Variants in CACNA1E observed in about 807,000 individuals in gnomAD.
The protein encoded by CACNA1E is calcium voltage-gated channel subunit alpha1 E, also known as voltage-dependent R-type calcium channel subunit alpha-1E.
Under a neutral mutation model 259.2 loss-of-function variants are expected in CACNA1E, and 40 were observed. The observed-to-expected ratio is 0.15, with a 90% CI of 0.12 to 0.20. The LOEUF is 0.20. Among genes scored for constraint, CACNA1E ranks in the 10% least tolerant of loss-of-function variants. The pLI is 1.00. For missense variants in CACNA1E, 1,874 were observed against 3,040.1 expected (o/e 0.62, Z 9.02); for synonymous variants, 1,104 against 1,138.5 (o/e 0.97, Z 0.61).
Position 181,798,372 on chromosome 1 carries a change from A to C in CACNA1E, c.6480A>C (p.Pro2160=), listed in dbSNP as rs1572922790. 6.2e-7 allele frequency: 1 copy of C among 1,612,036 alleles called. No homozygotes were observed. The change falls in exon 48 of 48, where the codon CCA becomes CCC. Residue 2160 remains proline, a synonymous_variant. Coordinates refer to ENST00000367573, the MANE Select transcript of CACNA1E (RefSeq NM_001205293.3). The surrounding 1 kb of genome is among the most constrained non-coding windows in gnomAD (Gnocchi z 4.2). The part of the protein sequence containing the change: ...STPRRSRRQL[P]PVPPKPRPLL... The stretch of plus-strand genomic sequence containing the variant: ...CAAGAAGAAGTCGTCGGCAGCTCCC[A>C]CCCGTCCCGCCAAAGCCCCGGCCCC...
rs747480727 is a variant in CACNA1E, at chr1:181,785,735, G to A, written c.5702G>A (p.Arg1901His). ...CAGAAAAATGCCCCCATGTTCCAGCGCATGGAGCCTTCATCTCTGCCTCAG... is the reference window on the plus strand; with the variant it reads ...CAGAAAAATGCCCCCATGTTCCAGCACATGGAGCCTTCATCTCTGCCTCAG... ...EEQKNAPMFQ[R>H]MEPSSLPQEI... The change falls in exon 43 of 48, where the codon CGC (arginine) becomes CAC (histidine). Residue 1901 changes from arginine (R) to histidine (H), a missense_variant. By Grantham distance (29) the Arg-to-His change is conservative. Transcript: ENST00000367573. 1.7e-5 allele frequency: 28 copies of A among 1,612,514 alleles called. No homozygotes were observed. The highest frequency in any genetic ancestry group is 6.7e-5 in the Admixed American group (4 of 59,806).
At chr1:181,715,239 C>G in intron 8 of CACNA1E, 99 bp from the exon 9 acceptor site, 1 of 726,372 alleles carries the variant, frequency 1.4e-6, no homozygotes, top group Non-Finnish European at 2.4e-6. Context: ...TCTGCTCTCT[C>G]TCTGTTGCCC....
At chr1:181,646,333 G>A (rs1658261251) in intron 6 of CACNA1E, among the ~76,000 whole-genome samples, 1 of 152,182 alleles carries the variant, frequency 6.6e-6, no homozygotes, top group African/African-American at 2.4e-5. Context: ...GCACACACAG[G>A]AGAGCCCCCA....
At chr1:181,745,467 A>T (rs1352966362) in intron 25 of CACNA1E, 2 of 367,490 alleles carry the variant, frequency 5.4e-6, no homozygotes, top group African/African-American at 2.1e-5. Flanking sequence ...GGTAACCAAC[A>T]ACCAACTAGA....
At chr1:181,657,773 T>C (rs1458154956) in intron 7 of CACNA1E, among the ~76,000 whole-genome samples, 1 of 152,222 alleles carries the variant, frequency 6.6e-6, no homozygotes, top group Non-Finnish European at 1.5e-5. Flanking sequence ...TGTGAAAAAC[T>C]GAAGACATCG....
chr1:181,805,637 T>C lies in CACNA1E; in HGVS notation c.*6803T>C, dbSNP rs1440363421. 6.6e-6 allele frequency: 1 copy of C among 152,196 alleles called. No homozygotes were observed. The highest frequency in any genetic ancestry group is 1.5e-5 in the Non-Finnish European group (1 of 68,026). 9.4% of individuals were successfully genotyped at this position (152,196 alleles called of 1,614,324 possible). On this transcript the variant is annotated 3_prime_UTR_variant, in exon 48 of 48. Coordinates refer to ENST00000367573, the MANE Select transcript of CACNA1E (RefSeq NM_001205293.3). ...CCTGCAGGCTGAACTTTAGTCAGTG[T>C]TTTTCTATCATGTTGTTTTGTGAAC...
intron 1 of CACNA1E, among the ~76,000 whole-genome samples, chr1:181,339,380 C>T (rs947413025): frequency 1.3e-5 from 2 of 151,848 alleles, no homozygotes; most frequent in African/African-American, 4.8e-5. Context: ...TCTTTCACTT[C>T]CTTGGTTAAA....
chr1:181,686,181 C>T (rs1434519247), intron 7 of CACNA1E, among the ~76,000 whole-genome samples: 2 of 151,714 alleles, frequency 1.3e-5, no homozygotes, highest in Non-Finnish European at 2.9e-5. Flanking sequence ...TGATTTCCAT[C>T]CTTGTTATCC....
chr1:181,746,172 G>T (rs572430711), intron 25 of CACNA1E, among the ~76,000 whole-genome samples: 1 of 152,344 alleles, frequency 6.6e-6, no homozygotes, highest in South Asian at 2.1e-4. Flanking sequence ...CCGCTAAGCA[G>T]TGACAACGTC....
At chr1:181,757,920 G>A (rs750652699) in intron 30 of CACNA1E, 27 bp from the exon 31 acceptor site, 2 of 1,611,054 alleles carry the variant, frequency 1.2e-6, no homozygotes, top group Non-Finnish European at 1.7e-6. Context: ...ATTTGAATTT[G>A]TGCTAATAAC....
At chr1:181,536,584 G>C (rs971354385) in intron 3 of CACNA1E, among the ~76,000 whole-genome samples, 7 of 152,014 alleles carry the variant, frequency 4.6e-5, no homozygotes, top group Admixed American at 1.3e-4. Flanking sequence ...CTCTCTCCGT[G>C]GTATTGAAAT....
intron 25 of CACNA1E, among the ~76,000 whole-genome samples, chr1:181,748,639 T>C (rs951328980): frequency 6.6e-6 from 1 of 152,222 alleles, no homozygotes; most frequent in African/African-American, 2.4e-5. Flanking sequence ...TATGAAAGAT[T>C]ATCCCTTAGT....
At chr1:181,361,615 T>C (rs1192514167) in intron 1 of CACNA1E, among the ~76,000 whole-genome samples, 2 of 152,194 alleles carry the variant, frequency 1.3e-5, no homozygotes, top group Non-Finnish European at 2.9e-5. Flanking sequence ...CTGTTTATTC[T>C]CTTCCCACCT....
chr1:181,756,331 T>C (rs1658084211), intron 29 of CACNA1E, among the ~76,000 whole-genome samples: 1 of 152,192 alleles, frequency 6.6e-6, no homozygotes, highest in Non-Finnish European at 1.5e-5. Flanking sequence ...AGCCAATTAT[T>C]GAGGAGTCAA....
At chr1:181,637,421 T>A (rs1453091941) in intron 6 of CACNA1E, among the ~76,000 whole-genome samples, 1 of 73,264 alleles carries the variant, frequency 1.4e-5, no homozygotes, top group Non-Finnish European at 2.6e-5. Flanking sequence ...CCTCCCTCCC[T>A]CCTTCCCTCC....
At position 181,803,358 on chromosome 1, in the gene CACNA1E, C is replaced by T. The variant is rs770904431; in HGVS notation, c.*4524C>T. ...ATAACTTCTCTTTAAAATATCTCCA[C>T]ATTGAGACTCTTATTTTAACAAAAT... On this transcript the variant is annotated 3_prime_UTR_variant, in exon 48 of 48. Transcript: ENST00000367573. 5.3e-5 allele frequency: 8 copies of T among 152,230 alleles called. No individual in the cohort carries two copies. Among genetic ancestry groups the T allele is most frequent in the Non-Finnish European group, 1.0e-4 (7 of 68,046 alleles). The allele number at this position is 152,230 out of a possible 1,614,324, so 9.4% of individuals were successfully genotyped here. A position where few individuals can be genotyped will look rare whatever the true frequency, so the allele number is the denominator to read the frequency against.
chr1:181,598,138 G>A (rs1483240579), intron 6 of CACNA1E, among the ~76,000 whole-genome samples: 2 of 152,220 alleles, frequency 1.3e-5, no homozygotes, highest in Non-Finnish European at 2.9e-5. Context: ...AGAGGAGGAC[G>A]TGAGAGGAGA....
At chr1:181,698,810 G>A (rs775210051) in intron 7 of CACNA1E, among the ~76,000 whole-genome samples, 8 of 152,160 alleles carry the variant, frequency 5.3e-5, no homozygotes, top group Non-Finnish European at 1.2e-4. Context: ...TAGGTTAACT[G>A]TAAGACAGGC....
intron 1 of CACNA1E, among the ~76,000 whole-genome samples, chr1:181,343,506 T>C (rs1320804538): frequency 5.9e-5 from 9 of 152,150 alleles, no homozygotes; most frequent in Admixed American, 5.9e-4. Flanking sequence ...CTACCGTGAC[T>C]GTAAGCTTCC....
Sources: allele counts gnomAD v4.1 joint callset (sites outside exome capture counted in the v4.1 genomes callset), GRCh38; gene constraint gnomAD v4.1.1; non-coding constraint Gnocchi (gnomAD v3.1); transcripts MANE v1.5; gene names NCBI Gene and HGNC (gene_info 2026-07-23, HGNC 2026-07-21).